SHLD1: variants seen among roughly 807,000 people sequenced by gnomAD.
SHLD1 encodes the protein RINN1-REV7-interacting novel NHEJ regulator 3.
A neutral mutation model predicts 5.5 loss-of-function variants in SHLD1; 3 were observed. The observed-to-expected ratio is 0.54, with a 90% CI of 0.25 to 1.40. SHLD1 has a LOEUF of 1.40. Among genes scored for constraint, SHLD1 ranks in the 40% most tolerant of loss-of-function variants. The probability of loss-of-function intolerance (pLI) is 0.15; values close to 1 mark genes in which losing one functional copy is unlikely to be tolerated. For missense variants in SHLD1, 210 were observed against 244.4 expected, an observed-to-expected ratio of 0.86 and a Z score of 0.94; for synonymous variants, 92 against 94.3, an observed-to-expected ratio of 0.98 and a Z score of 0.14.
chr20:5,813,063 G>A (rs6139842), intron 2 of SHLD1, among the ~76,000 whole-genome samples: 116,333 of 151,510 alleles, frequency 0.77, 44,951 homozygotes, highest in East Asian at 0.83. Flanking sequence ...TTTAGTAGAG[G>A]TGGGGTTTCA....
chr20:5,768,422 C>T (rs1984965695), intron 1 of SHLD1, among the ~76,000 whole-genome samples: 1 of 152,244 alleles, frequency 6.6e-6, no homozygotes. Flanking sequence ...CCTGCCCCTT[C>T]TGGGCTCTTC....
intron 1 of SHLD1, among the ~76,000 whole-genome samples, chr20:5,768,864 C>T (rs1438154683): frequency 6.6e-6 from 1 of 151,838 alleles, no homozygotes; most frequent in Non-Finnish European, 1.5e-5. Context: ...GCTATGCTCA[C>T]CACATTTAAC....
intron 2 of SHLD1, among the ~76,000 whole-genome samples, chr20:5,781,536 G>T (rs1023742474): frequency 5.3e-5 from 8 of 152,164 alleles, no homozygotes; most frequent in African/African-American, 1.9e-4. Context: ...GGAGTGCAAT[G>T]GTGCAATCTC....
intron 2 of SHLD1, among the ~76,000 whole-genome samples, chr20:5,831,364 C>T (rs918334013): frequency 6.6e-6 from 1 of 152,212 alleles, no homozygotes; most frequent in African/African-American, 2.4e-5. Flanking sequence ...AGCTTCTGTT[C>T]TCTGTAAGCT....
intron 2 of SHLD1, among the ~76,000 whole-genome samples, chr20:5,794,690 A>G (rs1416492561): frequency 2.0e-5 from 3 of 152,318 alleles, no homozygotes; most frequent in African/African-American, 7.2e-5. Flanking sequence ...TTCTACAAAT[A>G]GTCTTATGGT....
At chr20:5,808,543 C>T (rs1374359731) in intron 2 of SHLD1, among the ~76,000 whole-genome samples, 1 of 152,140 alleles carries the variant, frequency 6.6e-6, no homozygotes, top group Admixed American at 6.5e-5. Context: ...CATGTTGGTA[C>T]ATGTAGCTCT....
At chr20:5,845,590 T>G (rs1032913529) in intron 2 of SHLD1, among the ~76,000 whole-genome samples, 1 of 152,238 alleles carries the variant, frequency 6.6e-6, no homozygotes, top group Non-Finnish European at 1.5e-5. Context: ...GATGTTAGAA[T>G]ACCTTTGCGA....
chr20:5,830,267 G>A (rs1375940262), intron 2 of SHLD1, among the ~76,000 whole-genome samples: 1 of 152,196 alleles, frequency 6.6e-6, no homozygotes, highest in Non-Finnish European at 1.5e-5. Flanking sequence ...TCACATCACG[G>A]AATACTATTC....
At chr20:5,819,816 A>C (rs1294706) in intron 2 of SHLD1, among the ~76,000 whole-genome samples, 1 of 152,072 alleles carries the variant, frequency 6.6e-6, no homozygotes, top group Non-Finnish European at 1.5e-5. Context: ...CGTGAGACCC[A>C]GTCTCTTAAA....
intron 2 of SHLD1, among the ~76,000 whole-genome samples, chr20:5,808,731 A>G (rs899858441): frequency 2.2e-4 from 33 of 152,234 alleles, no homozygotes; most frequent in African/African-American, 7.5e-4. Flanking sequence ...ATTCTCATTC[A>G]TGGAGTCAAA....
chr20:5,822,211 A>G (rs1218580225), intron 2 of SHLD1, among the ~76,000 whole-genome samples: 2 of 152,200 alleles, frequency 1.3e-5, no homozygotes, highest in Admixed American at 1.3e-4. Flanking sequence ...TAATCCCAGC[A>G]CTTTGGGAGC....
At chr20:5,816,188 A>G (rs553475258) in intron 2 of SHLD1, among the ~76,000 whole-genome samples, 1 of 152,118 alleles carries the variant, frequency 6.6e-6, no homozygotes, top group African/African-American at 2.4e-5. Context: ...AAATGTAAAT[A>G]TTATTTTAAA....
intron 2 of SHLD1, among the ~76,000 whole-genome samples, chr20:5,823,041 T>C (rs2087626025): frequency 7.0e-6 from 1 of 143,330 alleles, no homozygotes; most frequent in African/African-American, 2.6e-5. Flanking sequence ...GCTATTGTTA[T>C]GGAACTGTGG....
At chr20:5,841,244 A>G (rs1315915968) in intron 2 of SHLD1, among the ~76,000 whole-genome samples, 2 of 151,974 alleles carry the variant, frequency 1.3e-5, no homozygotes, top group Non-Finnish European at 2.9e-5. Flanking sequence ...TAATTGGAAT[A>G]CCATTTACAT....
intron 2 of SHLD1, among the ~76,000 whole-genome samples, chr20:5,860,448 A>G (rs1303161064): frequency 1.3e-5 from 2 of 152,152 alleles, no homozygotes; most frequent in Admixed American, 1.3e-4. Flanking sequence ...ACAAACAAGG[A>G]CATTCTCTTC....
intron 1 of SHLD1, among the ~76,000 whole-genome samples, chr20:5,764,158 T>TATTTA (rs1568490077): frequency 1.4e-5 from 1 of 72,048 alleles, no homozygotes; most frequent in Admixed American, 1.7e-4. Flanking sequence ...ATATTTATAT[T>TATTTA]TATATATATA....
chr20:5,762,289 A>G lies in SHLD1; in HGVS notation c.-4-10573A>G, dbSNP rs975119751. 2.6e-5 allele frequency among the ~76,000 whole-genome samples: 4 copies of G among 152,226 alleles called. No individual in the cohort carries two copies. In the South Asian group the frequency reaches 6.2e-4, roughly 24 times the overall value. On this transcript the variant is annotated intron_variant, in intron 1 of 2. Coordinates refer to ENST00000303142, the MANE Select transcript of SHLD1 (RefSeq NM_152504.4). ...TATTTATTGACACCAGTTTTGGTTT[A>G]GAAATACCTTCTCTCTTTAGATTTT...
At chr20:5,848,005 G>T (rs1480772958) in intron 2 of SHLD1, among the ~76,000 whole-genome samples, 1 of 152,160 alleles carries the variant, frequency 6.6e-6, no homozygotes, top group African/African-American at 2.4e-5. Flanking sequence ...TATCAGAAAA[G>T]AATGGATGAA....
At chr20:5,853,632 T>C (rs1222759207) in intron 2 of SHLD1, among the ~76,000 whole-genome samples, 1 of 152,120 alleles carries the variant, frequency 6.6e-6, no homozygotes, top group Non-Finnish European at 1.5e-5. Context: ...AAACTTTTAT[T>C]ACTGATGTAA....
Sources: allele counts gnomAD v4.1 joint callset (sites outside exome capture counted in the v4.1 genomes callset), GRCh38; gene constraint gnomAD v4.1.1; transcripts MANE v1.5; gene names NCBI Gene and HGNC (gene_info 2026-07-23, HGNC 2026-07-21).